Variants in GSE1 observed in about 807,000 individuals in gnomAD.
GSE1 encodes the protein Gse1 coiled-coil protein, also known as genetic suppressor element 1.
In GSE1, 32 loss-of-function variants were observed where a neutral mutation model predicts 112.6. The ratio of observed to expected loss-of-function variants is 0.28; its 90% CI spans 0.21 to 0.38. The LOEUF is 0.38. Among genes scored for constraint, GSE1 ranks in the 10% least tolerant of loss-of-function variants. The probability of loss-of-function intolerance (pLI) is 1.00; values close to 1 mark genes in which losing one functional copy is unlikely to be tolerated. For missense variants in GSE1, 2,348 were observed against 1,699.2 expected (o/e 1.38, Z -6.71); for synonymous variants, 1,115 against 735.6 (o/e 1.52, Z -8.35).
intron 1 of GSE1, among the ~76,000 whole-genome samples, chr16:85,174,460 T>A (rs1302816317): frequency 6.6e-6 from 1 of 152,170 alleles, no homozygotes; most frequent in African/African-American, 2.4e-5. Context: ...AGCTCTCAGC[T>A]CCCAGGGAAG....
At chr16:85,196,423 C>A (rs567535207) in intron 1 of GSE1, among the ~76,000 whole-genome samples, 4 of 152,148 alleles carry the variant, frequency 2.6e-5, no homozygotes, top group East Asian at 3.9e-4. Flanking sequence ...AAGGGATTGG[C>A]GTCAAGTTCA....
In GSE1 at chr16:85,373,660, C is replaced by T. The variant is rs766905947; in HGVS notation, c.2464+16017C>T. On this transcript the variant is annotated intron_variant, in intron 2 of 2. Transcript: ENST00000637419. The surrounding 1 kb of genome is among the most constrained non-coding windows in gnomAD (Gnocchi z 5.1). Reference sequence around the variant, plus strand: ...ATGCTGGCCACGGCCTGGAAGAGTCCGCTCAGAGCAGGTGCTCCAGGGAGA... The same window carrying T: ...ATGCTGGCCACGGCCTGGAAGAGTCTGCTCAGAGCAGGTGCTCCAGGGAGA... Among the ~76,000 whole-genome samples the T allele has an allele frequency of 3.3e-5, 5 of 152,124 alleles. No individual in the cohort carries two copies. The highest frequency in any genetic ancestry group is 1.3e-4 in the Admixed American group (2 of 15,286).
chr16:85,613,093 CGTCGGTGCGCGCGCGCGCGCCT>C (rs2048100320), upstream of GSE1: 7 of 810,802 alleles, frequency 8.6e-6, no homozygotes, highest in East Asian at 1.9e-4. Context: ...TCCGGGCGCC[CGTCGGTGCGCGCGCGCGCGCCT>C]GTGTGTTTGC....
At chr16:85,337,104 G>A (rs1404030277) in intron 1 of GSE1, among the ~76,000 whole-genome samples, 1 of 152,174 alleles carries the variant, frequency 6.6e-6, no homozygotes, top group Non-Finnish European at 1.5e-5. Flanking sequence ...GCGACAGAGT[G>A]CAGACAGAAG....
chr16:85,181,511 C>T (rs2074583652), intron 1 of GSE1, among the ~76,000 whole-genome samples: 1 of 152,226 alleles, frequency 6.6e-6, no homozygotes, highest in Admixed American at 6.5e-5. Context: ...CCTGATTGAG[C>T]ACAGGAGGCC....
intron 2 of GSE1, among the ~76,000 whole-genome samples, chr16:85,413,553 T>C (rs2048633583): frequency 6.6e-6 from 1 of 152,068 alleles, no homozygotes; most frequent in African/African-American, 2.4e-5. Flanking sequence ...CTTCAACCCA[T>C]GTCAGTAAAG....
At chr16:85,402,432 G>A (rs2048137200) in intron 2 of GSE1, among the ~76,000 whole-genome samples, 1 of 152,220 alleles carries the variant, frequency 6.6e-6, no homozygotes, top group African/African-American at 2.4e-5. Flanking sequence ...AGCGAATAGG[G>A]AAGGTCATGG....
intron 2 of GSE1, among the ~76,000 whole-genome samples, chr16:85,431,449 C>T (rs12600285): frequency 1.2e-4 from 18 of 152,218 alleles, no homozygotes; most frequent in Admixed American, 2.0e-4. Flanking sequence ...TACGTTACCG[C>T]GGGGCGAAAA....
intron 1 of GSE1, among the ~76,000 whole-genome samples, chr16:85,326,739 G>C (rs923817902): frequency 6.6e-6 from 1 of 152,192 alleles, no homozygotes; most frequent in Non-Finnish European, 1.5e-5. Flanking sequence ...ATATGGCCTG[G>C]TGCTTACTTT....
chr16:85,192,658 G>T (rs1320643382), intron 1 of GSE1, among the ~76,000 whole-genome samples: 2 of 152,166 alleles, frequency 1.3e-5, no homozygotes, highest in African/African-American at 2.4e-5. Flanking sequence ...GCCTAAGCTC[G>T]TCGGGCACTG....
At chr16:85,427,833 AAAAT>A (rs957734482) in intron 2 of GSE1, among the ~76,000 whole-genome samples, 5 of 152,362 alleles carry the variant, frequency 3.3e-5, no homozygotes, top group South Asian at 4.1e-4. Context: ...CTCCGTCTCA[AAAAT>A]AAATAAATAA....
intron 1 of GSE1, among the ~76,000 whole-genome samples, chr16:85,288,424 C>T (rs1279706898): frequency 6.6e-6 from 1 of 152,224 alleles, no homozygotes; most frequent in East Asian, 1.9e-4. Flanking sequence ...AAGCCACCTG[C>T]CCAGGGCGGT....
chr16:85,597,319 A>G (rs2047272380), intron 1 of GSE1, among the ~76,000 whole-genome samples: 1 of 137,190 alleles, frequency 7.3e-6, no homozygotes, highest in Admixed American at 8.0e-5. Flanking sequence ...GGTTGCAGTG[A>G]GCTGAGATCG....
At chr16:85,191,416 C>A (rs1207341984) in intron 1 of GSE1, among the ~76,000 whole-genome samples, 2 of 152,040 alleles carry the variant, frequency 1.3e-5, no homozygotes, top group African/African-American at 4.8e-5. Context: ...AGAAATTCAC[C>A]CCTGAAAGAA....
At chr16:85,340,768 C>CAAGGGG (rs925907426) in intron 1 of GSE1, among the ~76,000 whole-genome samples, 2 of 152,080 alleles carry the variant, frequency 1.3e-5, no homozygotes, top group Non-Finnish European at 2.9e-5. Flanking sequence ...GTCAGCAGGT[C>CAAGGGG]AAGGGGTTTC....
chr16:85,471,013 G>T (rs941937569), intron 2 of GSE1, among the ~76,000 whole-genome samples: 2 of 152,212 alleles, frequency 1.3e-5, no homozygotes, highest in African/African-American at 4.8e-5. Context: ...GGAGGAGGGC[G>T]CTGGGGGCTC....
chr16:85,299,646 G>A (rs80346804), intron 1 of GSE1, among the ~76,000 whole-genome samples: 14,123 of 152,216 alleles, frequency 0.093, 783 homozygotes, highest in Non-Finnish European at 0.12. Flanking sequence ...TGCATTCTTT[G>A]GCCAGGCAAG....
At chr16:85,658,163 G>A (rs1020970836) in intron 8 of GSE1, among the ~76,000 whole-genome samples, 2 of 152,186 alleles carry the variant, frequency 1.3e-5, no homozygotes, top group African/African-American at 4.8e-5. Context: ...TTATGAGCTG[G>A]GCCCCAGTGC....
At chr16:85,342,519 C>G (rs2046646242) in intron 1 of GSE1, among the ~76,000 whole-genome samples, 1 of 152,102 alleles carries the variant, frequency 6.6e-6, no homozygotes, top group South Asian at 2.1e-4. Flanking sequence ...GGGCGTGGGC[C>G]TCGGCAGCCC....
Sources: allele counts gnomAD v4.1 joint callset (sites outside exome capture counted in the v4.1 genomes callset), GRCh38; gene constraint gnomAD v4.1.1; non-coding constraint Gnocchi (gnomAD v3.1); transcripts MANE v1.5; gene names NCBI Gene and HGNC (gene_info 2026-07-23, HGNC 2026-07-21).